The following RPS6KC1 variants were observed in gnomAD, a reference collection of about 807,000 sequenced individuals.
RPS6KC1 encodes inactive ribosomal protein S6 kinase delta-1.
In RPS6KC1, 54 loss-of-function variants were observed where a neutral mutation model predicts 103.8. The observed-to-expected ratio is 0.52, with a 90% CI of 0.42 to 0.65. RPS6KC1 has a LOEUF of 0.65. RPS6KC1 is among the 30% of genes least tolerant of loss of function. RPS6KC1 has a pLI of 0.00. For missense variants in RPS6KC1, 1,151 were observed against 1,253.8 expected (o/e 0.92, Z 1.24); for synonymous variants, 439 against 438.7 (o/e 1.00, Z -0.01).
chr1:213,363,757 C>T, the RPS6KC1 span, among the ~76,000 whole-genome samples: 131 of 60,464 alleles, frequency 2.2e-3, 6 homozygotes, highest in Non-Finnish European at 3.5e-3. Context: ...TTCTCTTTCT[C>T]TCTTCTTTCT....
chr1:213,543,173 C>T, the RPS6KC1 span, among the ~76,000 whole-genome samples: 10 of 152,262 alleles, frequency 6.6e-5, no homozygotes, highest in East Asian at 1.2e-3. Flanking sequence ...TCATAAATGA[C>T]GCTGAGTCTT....
chr1:213,098,812 C>T (rs2081735067), intron 3 of RPS6KC1, among the ~76,000 whole-genome samples: 1 of 152,102 alleles, frequency 6.6e-6, no homozygotes, highest in South Asian at 2.1e-4. Flanking sequence ...TGAGCACATG[C>T]TGTTGGAAAA....
chr1:213,142,088 G>A (rs1182162673), intron 6 of RPS6KC1, among the ~76,000 whole-genome samples: 4 of 151,996 alleles, frequency 2.6e-5, no homozygotes, highest in South Asian at 4.1e-4. Context: ...GGATAGTCAA[G>A]TTTTCTTGTT....
In RPS6KC1 at chr1:213,081,750, C is replaced by T. The variant is rs77925913; in HGVS notation, c.262+3934C>T. ...ACATTCTGGTAGCCTATGAAGAGGC[C>T]CACATGGTGAGGAACAGGGGCATCC... On this transcript the variant is annotated intron_variant, in intron 3 of 14. Transcript: ENST00000366960. Among the ~76,000 whole-genome samples the T allele has an allele frequency of 9.2e-3, 1,395 of 151,736 alleles. 46 individuals carry two copies. Among genetic ancestry groups the T allele is most frequent in the East Asian group, 0.069 (357 of 5,168 alleles).
At chr1:213,113,432 T>G (rs1388669682) in intron 4 of RPS6KC1, among the ~76,000 whole-genome samples, 1 of 151,570 alleles carries the variant, frequency 6.6e-6, no homozygotes, top group Non-Finnish European at 1.5e-5. Flanking sequence ...TAAATTTGTT[T>G]GAGTTCATTG....
the RPS6KC1 span, among the ~76,000 whole-genome samples, chr1:213,328,952 A>T: frequency 6.6e-6 from 1 of 152,148 alleles, no homozygotes; most frequent in East Asian, 1.9e-4. Flanking sequence ...TGCATGTTAT[A>T]CAGATCAAGA....
chr1:213,729,548 C>G, the RPS6KC1 span, among the ~76,000 whole-genome samples: 2 of 151,928 alleles, frequency 1.3e-5, no homozygotes, highest in African/African-American at 4.8e-5. Flanking sequence ...ATTAAAGGAT[C>G]GGGGGGAGGG....
chr1:213,449,575 C>T, the RPS6KC1 span, among the ~76,000 whole-genome samples: 1 of 152,178 alleles, frequency 6.6e-6, no homozygotes, highest in Non-Finnish European at 1.5e-5. Context: ...TTAATTACCT[C>T]TTTAACGGCC....
chr1:213,284,337 G>A, the RPS6KC1 span, among the ~76,000 whole-genome samples: 14 of 152,114 alleles, frequency 9.2e-5, no homozygotes, highest in Admixed American at 2.6e-4. Context: ...CCAACATGGC[G>A]AAACCGTGTC....
At chr1:213,544,654 G>T in the RPS6KC1 span, among the ~76,000 whole-genome samples, 22 of 152,260 alleles carry the variant, frequency 1.4e-4, 1 homozygote, top group East Asian at 4.2e-3. Context: ...GTTCTGAGGA[G>T]CCTTTGAGTT....
chr1:213,692,227 ACT>A, the RPS6KC1 span, among the ~76,000 whole-genome samples: 16 of 151,928 alleles, frequency 1.1e-4, no homozygotes, highest in Admixed American at 2.0e-4. Flanking sequence ...ACATGGTGAA[ACT>A]CTGTCTCTAC....
chr1:213,640,192 G>A, the RPS6KC1 span, among the ~76,000 whole-genome samples: 2 of 151,866 alleles, frequency 1.3e-5, no homozygotes, highest in Non-Finnish European at 2.9e-5. Context: ...CATGCATATA[G>A]TATTCTGTAT....
the RPS6KC1 span, among the ~76,000 whole-genome samples, chr1:213,564,634 C>A: frequency 5.3e-5 from 8 of 152,160 alleles, no homozygotes; most frequent in Non-Finnish European, 1.2e-4. Flanking sequence ...GCACCATGTT[C>A]CTATGACAAC....
the RPS6KC1 span, among the ~76,000 whole-genome samples, chr1:213,857,023 A>G: frequency 4.1e-4 from 62 of 152,242 alleles, no homozygotes; most frequent in Non-Finnish European, 4.1e-4. Context: ...AACAAATATG[A>G]TCTATTGCTA....
chr1:213,823,344 C>T, the RPS6KC1 span, among the ~76,000 whole-genome samples: 11 of 152,130 alleles, frequency 7.2e-5, no homozygotes, highest in African/African-American at 1.4e-4. Context: ...TTGTTGTCTC[C>T]GTCAGTGCCC....
At chr1:213,412,657 A>G in the RPS6KC1 span, among the ~76,000 whole-genome samples, 1 of 152,214 alleles carries the variant, frequency 6.6e-6, no homozygotes, top group African/African-American at 2.4e-5. Flanking sequence ...GGGGAGAGCA[A>G]TGAGCATCCA....
intron 8 of RPS6KC1, among the ~76,000 whole-genome samples, chr1:213,218,426 G>GACA (rs2093729776): frequency 6.6e-6 from 1 of 152,122 alleles, no homozygotes; most frequent in African/African-American, 2.4e-5. Flanking sequence ...AATCAATATT[G>GACA]TGAAAATGGC....
At chr1:213,305,858 A>C in the RPS6KC1 span, among the ~76,000 whole-genome samples, 1 of 152,034 alleles carries the variant, frequency 6.6e-6, no homozygotes, top group Non-Finnish European at 1.5e-5. Flanking sequence ...TTGCTTTTTC[A>C]TCGACTGACT....
chr1:213,731,801 G>T, the RPS6KC1 span, among the ~76,000 whole-genome samples: 1 of 152,064 alleles, frequency 6.6e-6, no homozygotes, highest in African/African-American at 2.4e-5. Flanking sequence ...TGACAATATG[G>T]AAATAGCCTA....
Sources: allele counts gnomAD v4.1 joint callset (sites outside exome capture counted in the v4.1 genomes callset), GRCh38; gene constraint gnomAD v4.1.1; transcripts MANE v1.5; gene names NCBI Gene and HGNC (gene_info 2026-07-23, HGNC 2026-07-21).